TENM4: variants seen among roughly 807,000 people sequenced by gnomAD.
TENM4 encodes the protein teneurin-4.
In TENM4, 82 loss-of-function variants were observed where a neutral mutation model predicts 243.3. The ratio of observed to expected loss-of-function variants is 0.34; its 90% CI spans 0.28 to 0.40. The LOEUF is 0.40. Among genes scored for constraint, TENM4 ranks in the 10% least tolerant of loss-of-function variants. The probability of loss-of-function intolerance (pLI) is 1.00; values close to 1 mark genes in which losing one functional copy is unlikely to be tolerated. For synonymous variants in TENM4, 1,412 were observed against 1,456.3 expected (o/e 0.97, Z 0.69); for missense variants, 3,138 against 3,673.3 (o/e 0.85, Z 3.77).
intron 6 of TENM4, among the ~76,000 whole-genome samples, chr11:78,979,627 C>T (rs755154358): frequency 3.2e-4 from 48 of 152,162 alleles, no homozygotes; most frequent in Non-Finnish European, 5.7e-4. Flanking sequence ...GCAGAGAGAA[C>T]AGCTTATGCC....
chr11:78,949,630 C>T (rs1857072907), intron 6 of TENM4, among the ~76,000 whole-genome samples: 1 of 152,202 alleles, frequency 6.6e-6, no homozygotes, highest in Non-Finnish European at 1.5e-5. Flanking sequence ...AATGGTGTTG[C>T]TCACAAGACT....
At position 79,437,445 on chromosome 11, in the gene TENM4, C is replaced by G. The variant is rs561261080; in HGVS notation, c.-321+3064G>C. On this transcript the variant is annotated intron_variant, in intron 1 of 33. Coordinates refer to ENST00000278550, the MANE Select transcript of TENM4 (RefSeq NM_001098816.3). ...GCGCGGCCGGGACCCTGCACTGTGC[C>G]GCGCGGCGCTTGCGGCTGGAACTTG... Among the ~76,000 whole-genome samples the G allele has an allele frequency of 1.7e-4, 26 of 152,110 alleles. No individual in the cohort carries two copies. In the East Asian group the frequency reaches 5.1e-3, roughly 30 times the overall value.
intron 3 of TENM4, among the ~76,000 whole-genome samples, chr11:79,180,926 T>C (rs1013482357): frequency 6.8e-6 from 1 of 146,020 alleles, no homozygotes; most frequent in Admixed American, 6.8e-5. Context: ...TATACATATA[T>C]AAAAGAAATT....
intron 6 of TENM4, among the ~76,000 whole-genome samples, chr11:79,030,347 G>T (rs976951328): frequency 4.6e-5 from 7 of 152,152 alleles, no homozygotes; most frequent in Admixed American, 6.5e-5. Flanking sequence ...GCCCAGGTTG[G>T]GTTCCCAAGT....
chr11:79,117,348 G>A (rs536790754), intron 4 of TENM4, among the ~76,000 whole-genome samples: 2 of 152,298 alleles, frequency 1.3e-5, no homozygotes, highest in South Asian at 2.1e-4. Context: ...ACATAGGCAG[G>A]AGGCTATTTT....
At chr11:79,361,329 A>C (rs1474842450) in intron 1 of TENM4, among the ~76,000 whole-genome samples, 1 of 152,212 alleles carries the variant, frequency 6.6e-6, no homozygotes, top group Non-Finnish European at 1.5e-5. Context: ...CCAGCCTCAA[A>C]TACAGTTCTC....
At chr11:79,109,979 T>C (rs1044624616) in intron 4 of TENM4, among the ~76,000 whole-genome samples, 1 of 152,228 alleles carries the variant, frequency 6.6e-6, no homozygotes, top group African/African-American at 2.4e-5. Context: ...ACTCCTTCCT[T>C]TACTTTCTAT....
intron 26 of TENM4, among the ~76,000 whole-genome samples, chr11:78,711,471 G>C (rs1308456973): frequency 6.6e-6 from 1 of 152,176 alleles, no homozygotes; most frequent in Admixed American, 6.5e-5. Context: ...TTGAATGCCT[G>C]ATTTCACTAG....
In TENM4 at chr11:78,786,944, G is replaced by T. The variant is rs1475949212; in HGVS notation, c.2319C>A (p.Gly773=). The change falls in exon 16 of 34, where the codon GGC becomes GGA. Residue 773 remains glycine (G), a synonymous_variant. Coordinates refer to ENST00000278550, the MANE Select transcript of TENM4 (RefSeq NM_001098816.3). ...RCAEHGTCRD[G]KCECSPGWNG... ...TCCAGCCAGGGCTGCACTCGCACTT[G>T]CCGTCGCGGCAGGTCCCATGCTCGG... is the stretch of plus-strand genomic sequence containing the variant. The T allele has an allele frequency of 5.6e-6, 9 of 1,606,188 alleles. No homozygotes were observed. Among genetic ancestry groups the T allele is most frequent in the Non-Finnish European group, 7.6e-6 (9 of 1,176,712 alleles).
intron 1 of TENM4, among the ~76,000 whole-genome samples, chr11:79,396,148 AG>A (rs1858339737): frequency 6.6e-6 from 1 of 152,202 alleles, no homozygotes; most frequent in South Asian, 2.1e-4. Flanking sequence ...CTCAGATGAA[AG>A]CTTGATCCTT....
At chr11:78,709,031 G>T (rs779236815) in intron 26 of TENM4, among the ~76,000 whole-genome samples, 1 of 147,524 alleles carries the variant, frequency 6.8e-6, no homozygotes. Flanking sequence ...GCAGTGGCGC[G>T]ATCTCGGCTC....
At chr11:79,197,566 A>C (rs944283394) in intron 3 of TENM4, among the ~76,000 whole-genome samples, 1 of 152,142 alleles carries the variant, frequency 6.6e-6, no homozygotes, top group African/African-American at 2.4e-5. Flanking sequence ...CCACACATCA[A>C]CAGCAAACTT....
intron 1 of TENM4, among the ~76,000 whole-genome samples, chr11:79,324,887 G>C (rs892637115): frequency 1.3e-5 from 2 of 152,122 alleles, no homozygotes; most frequent in African/African-American, 4.8e-5. Context: ...TAAATCAGCT[G>C]CTCTGCCTTA....
intron 25 of TENM4, among the ~76,000 whole-genome samples, chr11:78,715,338 T>G (rs1481804093): frequency 6.6e-6 from 1 of 152,174 alleles, no homozygotes; most frequent in African/African-American, 2.4e-5. Context: ...TTTTTTTCAT[T>G]TCTTTGCACA....
intron 2 of TENM4, among the ~76,000 whole-genome samples, chr11:79,286,607 T>C (rs923752112): frequency 3.3e-5 from 5 of 152,146 alleles, no homozygotes; most frequent in Admixed American, 3.3e-4. Flanking sequence ...AGGCAGAGGT[T>C]GCAGTGAGCC....
intron 2 of TENM4, among the ~76,000 whole-genome samples, chr11:79,275,713 C>A (rs509249): frequency 0.42 from 63,328 of 152,172 alleles, 15,092 homozygotes; most frequent in Non-Finnish European, 0.55. Context: ...CAGACTTGTT[C>A]AAGTTTCCCA....
Position 79,240,954 on chromosome 11 carries a change from C to A in TENM4, c.-264-25045G>T, listed in dbSNP as rs975827182. Among the ~76,000 whole-genome samples the A allele has an allele frequency of 6.6e-5, 10 of 152,166 alleles. No homozygotes were observed. The East Asian group carries it at 1.7e-3, about 26-fold the overall frequency. On this transcript the variant is annotated intron_variant, in intron 2 of 33. Transcript: ENST00000278550. ...TTAAATCACATCAGTTGCTTTATTT[C>A]TTTTTTCATATATTCTCTTCATTTT...
chr11:78,782,256 G>C (rs971793726), intron 16 of TENM4, among the ~76,000 whole-genome samples: 1 of 8,766 alleles, frequency 1.1e-4, no homozygotes, highest in Non-Finnish European at 3.4e-4. Flanking sequence ...GTCAGGAGTT[G>C]TTAGAGACCA....
chr11:79,214,802 C>T (rs1035195882), intron 3 of TENM4, among the ~76,000 whole-genome samples: 5 of 152,214 alleles, frequency 3.3e-5, no homozygotes, highest in Non-Finnish European at 1.5e-5. Flanking sequence ...ACCAAAGGGG[C>T]CAATCATCCA....
Sources: allele counts gnomAD v4.1 joint callset (sites outside exome capture counted in the v4.1 genomes callset), GRCh38; gene constraint gnomAD v4.1.1; transcripts MANE v1.5; gene names NCBI Gene and HGNC (gene_info 2026-07-23, HGNC 2026-07-21).